Variants in KIAA1958 observed in about 807,000 individuals in gnomAD.
KIAA1958 encodes the protein KIAA1958.
A neutral mutation model predicts 47.2 loss-of-function variants in KIAA1958; 14 were observed. That is an observed-to-expected ratio of 0.30 (90% CI 0.20 to 0.46). The LOEUF is 0.46. Among genes scored for constraint, KIAA1958 ranks in the 20% least tolerant of loss-of-function variants. The pLI is 1.00. For missense variants in KIAA1958, 803 were observed against 909.2 expected (o/e 0.88, Z 1.50); for synonymous variants, 354 against 353.3 (o/e 1.00, Z -0.02).
At chr9:112,554,301 C>T (rs1835205092) in intron 1 of KIAA1958, among the ~76,000 whole-genome samples, 1 of 152,038 alleles carries the variant, frequency 6.6e-6, no homozygotes, top group Non-Finnish European at 1.5e-5. Flanking sequence ...AGTTTGAGAC[C>T]AGCCTGACTA....
chr9:112,557,208 GGTTGGCCTGCTAAAGT>G (rs1835257962), intron 1 of KIAA1958, among the ~76,000 whole-genome samples: 1 of 152,048 alleles, frequency 6.6e-6, no homozygotes, highest in African/African-American at 2.4e-5. Context: ...AGTCCTCCCT[GGTTGGCCTGCTAAAGT>G]GTTGGAATTA....
chr9:112,565,479 TG>T (rs1835413035), intron 1 of KIAA1958, among the ~76,000 whole-genome samples: 1 of 152,232 alleles, frequency 6.6e-6, no homozygotes, highest in Admixed American at 6.5e-5. Flanking sequence ...ATGTCAGATA[TG>T]GGGAAGTGCC....
chr9:112,560,278 A>G (rs557560293), intron 1 of KIAA1958, among the ~76,000 whole-genome samples: 1 of 145,218 alleles, frequency 6.9e-6, no homozygotes, highest in Non-Finnish European at 1.5e-5. Context: ...ATAGTGCACT[A>G]TAACCTCAAA....
intron 1 of KIAA1958, among the ~76,000 whole-genome samples, chr9:112,519,806 T>C (rs1382416130): frequency 6.6e-6 from 1 of 152,252 alleles, no homozygotes; most frequent in Non-Finnish European, 1.5e-5. Flanking sequence ...AACTTGTTTC[T>C]GATAAAACAA....
intron 2 of KIAA1958, among the ~76,000 whole-genome samples, chr9:112,587,350 A>G (rs1334423431): frequency 6.6e-6 from 1 of 152,088 alleles, no homozygotes; most frequent in Non-Finnish European, 1.5e-5. Flanking sequence ...GGGTTTCACC[A>G]TGTTGGCCAG....
At chr9:112,492,135 T>C (rs547211638) in intron 1 of KIAA1958, among the ~76,000 whole-genome samples, 5 of 152,346 alleles carry the variant, frequency 3.3e-5, no homozygotes, top group African/African-American at 1.2e-4. Context: ...TTGTTAGGGC[T>C]GCCATAACAA....
At chr9:112,562,106 T>C (rs1835341212) in intron 1 of KIAA1958, among the ~76,000 whole-genome samples, 2 of 152,216 alleles carry the variant, frequency 1.3e-5, no homozygotes, top group Admixed American at 1.3e-4. Context: ...ATATGTTCGC[T>C]GTCTGGGCCT....
intron 2 of KIAA1958, among the ~76,000 whole-genome samples, chr9:112,611,251 A>G (rs1836322108): frequency 6.6e-6 from 1 of 152,132 alleles, no homozygotes; most frequent in Non-Finnish European, 1.5e-5. Context: ...ACAAAACGCT[A>G]TATGGAGCAT....
rs143268123 is a variant in KIAA1958 at position 112,607,874 on chromosome 9, C to T, written c.1171+32623C>T. Reference sequence around the variant, plus strand: ...ACAGCTGAACAATGCCACTAATGTTCGGGCTTGGGGGAGAATGAGTATGAG... The same window carrying T: ...ACAGCTGAACAATGCCACTAATGTTTGGGCTTGGGGGAGAATGAGTATGAG... On this transcript the variant is annotated intron_variant, in intron 2 of 3. Coordinates refer to ENST00000337530, the MANE Select transcript of KIAA1958 (RefSeq NM_133465.4). Among the ~76,000 whole-genome samples the T allele has an allele frequency of 5.4e-3, 822 of 152,008 alleles. 10 individuals carry two copies. The highest frequency in any genetic ancestry group is 0.019 in the African/African-American group (787 of 41,460).
intron 1 of KIAA1958, among the ~76,000 whole-genome samples, chr9:112,558,881 T>C (rs1372662362): frequency 6.6e-6 from 1 of 152,214 alleles, no homozygotes; most frequent in East Asian, 1.9e-4. Flanking sequence ...AATTAATTTG[T>C]ATATTATATA....
intron 3 of KIAA1958, among the ~76,000 whole-genome samples, chr9:112,658,677 A>G (rs1322491707): frequency 2.6e-5 from 4 of 152,156 alleles, no homozygotes; most frequent in Admixed American, 2.6e-4. Flanking sequence ...ACTGAGGTTT[A>G]GACCAGGCGT....
intron 2 of KIAA1958, among the ~76,000 whole-genome samples, chr9:112,626,329 G>A (rs1206300559): frequency 6.6e-6 from 1 of 152,034 alleles, no homozygotes. Flanking sequence ...GATCATAGTT[G>A]AAAAAGTTCA....
intron 2 of KIAA1958, among the ~76,000 whole-genome samples, chr9:112,577,788 AC>A (rs1055166912): frequency 4.8e-5 from 7 of 146,726 alleles, no homozygotes; most frequent in African/African-American, 1.0e-4. Flanking sequence ...AAAAAAAAAA[AC>A]GAATCCATTT....
intron 3 of KIAA1958, among the ~76,000 whole-genome samples, chr9:112,646,903 A>T (rs952802742): frequency 6.6e-6 from 1 of 152,272 alleles, no homozygotes; most frequent in African/African-American, 2.4e-5. Context: ...GCAGATGGAA[A>T]TGGCCAACAA....
intron 2 of KIAA1958, among the ~76,000 whole-genome samples, chr9:112,636,166 CTTATTA>C (rs909054340): frequency 6.8e-5 from 10 of 147,606 alleles, no homozygotes; most frequent in Admixed American, 6.8e-5. Flanking sequence ...AAATAATATA[CTTATTA>C]TTATTTAGGA....
intron 1 of KIAA1958, among the ~76,000 whole-genome samples, chr9:112,563,083 C>CTATATATA (rs763563196): frequency 2.6e-3 from 165 of 63,318 alleles, no homozygotes; most frequent in East Asian, 6.1e-3. Flanking sequence ...CTCTCTCTCT[C>CTATATATA]TCTATATATA....
In KIAA1958 at chr9:112,618,330, A is replaced by G. The variant is rs1253636813; in HGVS notation, c.1172-27320A>G. On this transcript the variant is annotated intron_variant, in intron 2 of 3. Transcript: ENST00000337530. The surrounding 1 kb of genome is among the most constrained non-coding windows in gnomAD (Gnocchi z 7.1). The stretch of plus-strand genomic sequence containing the variant: ...CGATATAACCCCGAGGGTTTGCTCA[A>G]CCTAGTCTGGCTCAACAACACAAAA... The G allele has an allele frequency of 6.4e-7, 1 of 1,551,140 alleles. No homozygotes were observed. The highest frequency in any genetic ancestry group is 1.4e-5 in the African/African-American group (1 of 73,064).
At chr9:112,499,710 A>G (rs1053907634) in intron 1 of KIAA1958, among the ~76,000 whole-genome samples, 1 of 131,764 alleles carries the variant, frequency 7.6e-6, no homozygotes, top group Non-Finnish European at 1.6e-5. Flanking sequence ...TTTTTTTGAG[A>G]CAGAGTTTCG....
chr9:112,499,676 C>G (rs1834100032), intron 1 of KIAA1958, among the ~76,000 whole-genome samples: 1 of 147,974 alleles, frequency 6.8e-6, no homozygotes, highest in African/African-American at 2.5e-5. Context: ...TATTTCCTAT[C>G]TACATTTTTT....
Sources: gnomAD v4.1 joint callset for allele counts (sites outside exome capture counted in the v4.1 genomes callset) on GRCh38, gnomAD v4.1.1 for gene constraint, Gnocchi (gnomAD v3.1) non-coding constraint, MANE v1.5 for transcripts, NCBI Gene and HGNC (gene_info 2026-07-23, HGNC 2026-07-21) for gene names.